BSN: variants seen among roughly 807,000 people sequenced by gnomAD.
BSN encodes bassoon presynaptic cytomatrix protein, also known as protein bassoon.
BSN carries 57 observed loss-of-function variants against 264.8 expected under a neutral mutation model. That is an observed-to-expected ratio of 0.22 (90% CI 0.17 to 0.27). The LOEUF is 0.27. Ranked by LOEUF, BSN falls within the 10% of genes least tolerant of loss-of-function variation. The pLI is 1.00. For missense variants in BSN, 4,615 were observed against 5,232.5 expected (o/e 0.88, Z 3.64); for synonymous variants, 2,059 against 2,137.3 (o/e 0.96, Z 1.01).
chr3:49,642,461 C>G lies in BSN; in HGVS notation c.827C>G (p.Ser276Cys), dbSNP rs1469949305. The change falls in exon 3 of 12, where the codon TCC becomes TGC. Residue 276 changes from serine (S) to cysteine (C), a missense_variant. Physicochemically the swap from Ser to Cys is moderately radical, Grantham distance 112. This residue lies in a region of BSN where 1,197 missense variants were observed against 1,348.0 expected (regional missense o/e 0.89). Coordinates refer to ENST00000296452, the MANE Select transcript of BSN (RefSeq NM_003458.4). This position sits in a 1 kb window ranked among gnomAD's most constrained non-coding sequence, Gnocchi z 7.0. ...GGCCCAGGAGGACCACAGCCTGGGT[C>G]CCGCCAGGCTGAGACAGCCAGGGCC... ...SRGPGGPQPG[S>C]RQAETARATS... 3.8e-6 allele frequency: 6 copies of G among 1,586,936 alleles called. No homozygotes were observed. The highest frequency in any genetic ancestry group is 1.7e-4 in the Middle Eastern group (1 of 5,980).
At chr3:49,608,877 G>C (rs1041289762) in intron 1 of BSN, among the ~76,000 whole-genome samples, 9 of 151,548 alleles carry the variant, frequency 5.9e-5, no homozygotes, top group African/African-American at 2.2e-4. Flanking sequence ...TACGTCCTTA[G>C]CATCAGCCCT....
intron 1 of BSN, among the ~76,000 whole-genome samples, chr3:49,600,228 C>T (rs1426510878): frequency 6.6e-6 from 1 of 152,082 alleles, no homozygotes; most frequent in African/African-American, 2.4e-5. Flanking sequence ...AAGAACCAGG[C>T]CTTGAGCCTG....
At chr3:49,584,038 T>A (rs1229433455) in intron 1 of BSN, among the ~76,000 whole-genome samples, 2 of 152,142 alleles carry the variant, frequency 1.3e-5, no homozygotes, top group African/African-American at 4.8e-5. Context: ...CATGCCCAGC[T>A]AATTTTTATT....
rs773446127 is a variant in BSN at position 49,554,764 on chromosome 3, G to A, written c.162G>A (p.Ser54=). The change falls in exon 1 of 12, where the codon TCG becomes TCA. Residue 54 remains serine (S), a synonymous_variant. Transcript: ENST00000296452. ...TCCCCGCGGCGGGAGCAGCGCGGTCGACCGCGGTACCACCGGTCCCTGGCC... is the reference window on the plus strand; with the variant it reads ...TCCCCGCGGCGGGAGCAGCGCGGTCAACCGCGGTACCACCGGTCCCTGGCC... ...GQLPAAGAAR[S]TAVPPVPGPG... The A allele has an allele frequency of 8.9e-6, 11 of 1,230,404 alleles. No homozygotes were observed. The Admixed American group carries it at 4.6e-4, about 51-fold the overall frequency. The allele number at this position is 1,230,404 out of a possible 1,614,324, so 76.2% of individuals were successfully genotyped here. A position where few individuals can be genotyped will look rare whatever the true frequency, so the allele number is the denominator to read the frequency against.
At position 49,653,917 on chromosome 3, in the gene BSN, T is replaced by C. The variant is rs755238976; in HGVS notation, c.4361T>C (p.Leu1454Ser). 1 of 1,614,132 alleles carries C rather than the reference T, an allele frequency of 6.2e-7. No individual in the cohort carries two copies. Among genetic ancestry groups the C allele is most frequent in the South Asian group, 1.1e-5 (1 of 91,086 alleles). The change falls in exon 5 of 12, where the codon TTG becomes TCG. Residue 1454 changes from leucine to serine, a missense_variant. Physicochemically the swap from Leu to Ser is moderately radical, Grantham distance 145 (BLOSUM62 -2). Coordinates refer to ENST00000296452, the MANE Select transcript of BSN (RefSeq NM_003458.4). The surrounding 1 kb of genome is among the most constrained non-coding windows in gnomAD (Gnocchi z 6.3). The part of the protein sequence containing the change: ...AAGRAAREKP[L>S]SASDGEGGTP... The stretch of plus-strand genomic sequence containing the variant: ...GGACGAGCTGCTAGAGAGAAGCCCT[T>C]GAGTGCGAGTGACGGTGAGGGTGGC...
intron 6 of BSN, 148 bp downstream of exon 6, chr3:49,662,710 G>T: frequency 1.6e-6 from 2 of 1,236,136 alleles, no homozygotes; most frequent in South Asian, 3.1e-5. Context: ...GCCCTTGCCT[G>T]CTCCATCTGT....
chr3:49,658,431 A>T (rs2108091372), intron 5 of BSN, among the ~76,000 whole-genome samples: 3 of 152,204 alleles, frequency 2.0e-5, no homozygotes, highest in Non-Finnish European at 1.5e-5. Context: ...TTCCAGCCAC[A>T]TACCCTACTA....
At chr3:49,602,332 A>C (rs531814702) in intron 1 of BSN, among the ~76,000 whole-genome samples, 4 of 152,234 alleles carry the variant, frequency 2.6e-5, no homozygotes, top group Non-Finnish European at 5.9e-5. Flanking sequence ...AGGAAGGGTC[A>C]TGGAGCATGA....
In BSN at chr3:49,656,362, T is replaced by C. The variant is rs747280672; in HGVS notation, c.6806T>C (p.Ile2269Thr). The C allele has an allele frequency of 1.2e-6, 2 of 1,603,040 alleles. No individual in the cohort carries two copies. Among genetic ancestry groups the C allele is most frequent in the African/African-American group, 2.7e-5 (2 of 74,722 alleles). Residue 2269 changes from isoleucine to threonine, a missense_variant, in exon 5 of 12, where the codon ATT becomes ACT. Physicochemically the swap from Ile to Thr is moderately conservative, Grantham distance 89. Coordinates refer to ENST00000296452, the MANE Select transcript of BSN (RefSeq NM_003458.4). ...TATCCTGCACCAAGTAGATTTCCCATTGCTTCCAGTGTTCCACCTGCAGAA... is the reference window on the plus strand; with the variant it reads ...TATCCTGCACCAAGTAGATTTCCCACTGCTTCCAGTGTTCCACCTGCAGAA... ...YRYPAPSRFP[I>T]ASSVPPAEGP...
chr3:49,554,677 G>C lies in BSN; in HGVS notation c.75G>C (p.Pro25=), dbSNP rs1278786707. 1.5e-5 allele frequency: 15 copies of C among 1,018,574 alleles called. No homozygotes were observed. The highest frequency in any genetic ancestry group is 4.3e-5 in the South Asian group (1 of 23,126). The allele number at this position is 1,018,574 out of a possible 1,614,324, so 63.1% of individuals were successfully genotyped here. The change falls in exon 1 of 12, where the codon CCG becomes CCC. Residue 25 remains proline, a synonymous_variant. Transcript: ENST00000296452. The part of the protein sequence containing the change: ...PLPPGGAGPG[P]GPGPGPGAGK... ...CGCCCGGCGGCGCCGGCCCCGGCCC[G>C]GGCCCCGGCCCCGGCCCCGGCGCAG... is the stretch of plus-strand genomic sequence containing the variant.
chr3:49,574,102 G>A (rs1217543925), intron 1 of BSN, among the ~76,000 whole-genome samples: 1 of 149,994 alleles, frequency 6.7e-6, no homozygotes, highest in Admixed American at 6.7e-5. Context: ...GGTGTGCGTC[G>A]CCACATCTGG....
intron 2 of BSN, among the ~76,000 whole-genome samples, chr3:49,641,209 G>A (rs1215748859): frequency 6.6e-6 from 1 of 152,226 alleles, no homozygotes; most frequent in Non-Finnish European, 1.5e-5. Flanking sequence ...GGCATAGCCA[G>A]ATCCAGGGAA....
Position 49,657,715 on chromosome 3 carries a change from C to T in BSN, c.8159C>T (p.Thr2720Met), listed in dbSNP as rs1224108077. The change falls in exon 5 of 12, where the codon ACG (threonine) becomes ATG (methionine). Residue 2720 changes from threonine (T) to methionine (M), a missense_variant. Coordinates refer to ENST00000296452, the MANE Select transcript of BSN (RefSeq NM_003458.4). ...TGRGESLACQ[T>M]EPDGQAQGVA... ...CGTGGGGAGAGCCTGGCCTGCCAGA[C>T]GGAGCCAGATGGGCAGGCCCAGGGT... 1.9e-6 allele frequency: 3 copies of T among 1,550,424 alleles called. No individual in the cohort carries two copies. Among genetic ancestry groups the T allele is most frequent in the Middle Eastern group, 1.7e-4 (1 of 5,752 alleles).
At chr3:49,601,596 G>T (rs1667721647) in intron 1 of BSN, among the ~76,000 whole-genome samples, 1 of 152,146 alleles carries the variant, frequency 6.6e-6, no homozygotes, top group South Asian at 2.1e-4. Flanking sequence ...CCAAGGCTTG[G>T]GTGGGAGGAC....
At chr3:49,580,483 G>A (rs914678987) in intron 1 of BSN, among the ~76,000 whole-genome samples, 1 of 151,914 alleles carries the variant, frequency 6.6e-6, no homozygotes, top group African/African-American at 2.4e-5. Flanking sequence ...CGAGGCTGGA[G>A]TGCAGTGGTG....
Position 49,653,433 on chromosome 3 carries a change from G to T in BSN, c.3877G>T (p.Ala1293Ser). 1 of 1,614,016 alleles carries T rather than the reference G, an allele frequency of 6.2e-7. No homozygotes were observed. Among genetic ancestry groups the T allele is most frequent in the Non-Finnish European group, 8.5e-7 (1 of 1,180,002 alleles). Residue 1293 changes from alanine to serine, a missense_variant, in exon 5 of 12, where the codon GCT becomes TCT. Ala to Ser is a moderately conservative substitution (Grantham distance 99, BLOSUM62 1). Around this residue, in one of 3 missense-constraint regions of BSN, gnomAD observed 3,415 missense variants for 3,866.4 expected, o/e 0.88. Transcript: ENST00000296452. The surrounding 1 kb of genome is among the most constrained non-coding windows in gnomAD (Gnocchi z 6.3). ...DKKKEKQFLN[A>S]ESAYMDPMKQ... The stretch of plus-strand genomic sequence containing the variant: ...AAAGAAGGAGAAGCAGTTTCTAAAT[G>T]CTGAGAGTGCATACATGGACCCAAT...
intron 1 of BSN, among the ~76,000 whole-genome samples, chr3:49,568,235 A>G (rs2051768952): frequency 6.6e-6 from 1 of 152,226 alleles, no homozygotes. Flanking sequence ...GCTGGAAAAA[A>G]TATATTCTGC....
intron 1 of BSN, among the ~76,000 whole-genome samples, chr3:49,590,425 T>C (rs1033175295): frequency 1.3e-5 from 2 of 152,190 alleles, no homozygotes; most frequent in Non-Finnish European, 2.9e-5. Flanking sequence ...ATTTTGGTTT[T>C]TTACTATTTG....
chr3:49,650,791 C>A lies in BSN; in HGVS notation c.1698C>A (p.Gly566=). Residue 566 remains glycine (G), a synonymous_variant, in exon 4 of 12, where the codon GGC becomes GGA. Transcript: ENST00000296452. ...KGPQGLGQPS[G]PLPAKASPLS... ...CACAGGGGCTGGGCCAGCCTTCAGG[C>A]CCCCTGCCTGCCAAGGCCAGCCCTC... 6.2e-7 allele frequency: 1 copy of A among 1,613,918 alleles called. No homozygotes were observed. Among genetic ancestry groups the A allele is most frequent in the South Asian group, 1.1e-5 (1 of 91,084 alleles).
Sources: allele counts gnomAD v4.1 joint callset (sites outside exome capture counted in the v4.1 genomes callset), GRCh38; gene constraint gnomAD v4.1.1; regional missense constraint gnomAD v4.1.1; non-coding constraint Gnocchi (gnomAD v3.1); transcripts MANE v1.5; gene names NCBI Gene and HGNC (gene_info 2026-07-23, HGNC 2026-07-21).